The following CERS4 variants were observed in gnomAD, a reference collection of about 807,000 sequenced individuals.
CERS4 encodes the protein LAG1 homolog, ceramide synthase 4.
CERS4 carries 65 observed loss-of-function variants against 51.8 expected under a neutral mutation model. The observed-to-expected ratio is 1.26, with a 90% CI of 1.03 to 1.54. CERS4 has a LOEUF of 1.54. Among genes scored for constraint, CERS4 ranks in the 40% most tolerant of loss-of-function variants. The pLI, the probability that CERS4 is intolerant of heterozygous loss-of-function variation, is 0.00. For missense variants in CERS4, 563 were observed against 500.4 expected (o/e 1.13, Z -1.19); for synonymous variants, 228 against 208.4 (o/e 1.09, Z -0.81).
At chr19:8,212,423 G>T (rs1470854769) in intron 2 of CERS4, among the ~76,000 whole-genome samples, 1 of 152,088 alleles carries the variant, frequency 6.6e-6, no homozygotes, top group East Asian at 1.9e-4. Context: ...TCAGCATCTG[G>T]AAATTGCCAT....
Position 8,255,974 on chromosome 19 carries a change from G to A in CERS4, c.468+95G>A, listed in dbSNP as rs1376150794. 10 of 1,349,188 alleles carry A rather than the reference G, an allele frequency of 7.4e-6. No homozygotes were observed. The Admixed American group carries it at 1.2e-4, about 16-fold the overall frequency. The allele number at this position is 1,349,188 out of a possible 1,614,324, so 83.6% of individuals were successfully genotyped here. The stretch of plus-strand genomic sequence containing the variant: ...GGGTGTGGAGTGGTGCAGCCAGAGA[G>A]GAAAACATGCAGCTGAGGAGAGAGC... On this transcript the variant is annotated intron_variant, in intron 6 of 11. Transcript: ENST00000251363.
At chr19:8,221,547 TC>T (rs1248413240) in intron 2 of CERS4, among the ~76,000 whole-genome samples, 1 of 150,422 alleles carries the variant, frequency 6.6e-6, no homozygotes, top group African/African-American at 2.4e-5. Context: ...CTTTTTTTTT[TC>T]TTATTTTTTT....
intron 2 of CERS4, among the ~76,000 whole-genome samples, chr19:8,246,743 T>C (rs4591268): frequency 0.96 from 145,498 of 152,026 alleles, 69,768 homozygotes; most frequent in Middle Eastern, 0.99. Flanking sequence ...GAGGGATGGA[T>C]GGGCAGAGGC....
intron 8 of CERS4, 21 bp from the exon 9 acceptor site, chr19:8,256,928 A>G: frequency 1.9e-6 from 3 of 1,614,014 alleles, no homozygotes; most frequent in Non-Finnish European, 2.5e-6. Flanking sequence ...CGTCCCCACT[A>G]TGACCCACCG....
rs551342957 is a variant in CERS4 at position 8,210,466 on chromosome 19, G to A, written c.-158-240G>A. Among the ~76,000 whole-genome samples, 59 of 152,222 alleles carry A rather than the reference G, an allele frequency of 3.9e-4. No homozygotes were observed. Among genetic ancestry groups the A allele is most frequent in the Admixed American group, 3.9e-3 (59 of 15,274 alleles). On this transcript the variant is annotated intron_variant, in intron 1 of 11. Coordinates refer to ENST00000251363, the MANE Select transcript of CERS4 (RefSeq NM_024552.3). The surrounding 1 kb of genome is among the most constrained non-coding windows in gnomAD (Gnocchi z 4.2). ...GAGACTTGAGGAGAAGCTGCTCTGGGGGACACAGGAAGGTGGGCAGGGGGA... is the reference window on the plus strand; with the variant it reads ...GAGACTTGAGGAGAAGCTGCTCTGGAGGACACAGGAAGGTGGGCAGGGGGA...
Position 8,257,017 on chromosome 19 carries a change from C to A in CERS4, c.681C>A (p.Asn227Lys). 1 of 1,613,768 alleles carries A rather than the reference C, an allele frequency of 6.2e-7. No homozygotes were observed. The change falls in exon 9 of 12, where the codon AAC becomes AAA. Residue 227 changes from asparagine (N) to lysine (K), a missense_variant. Transcript: ENST00000251363. ...VILMTFSYSA[N>K]LLRIGSLVLL... The stretch of plus-strand genomic sequence containing the variant: ...TGATGACCTTCTCCTACAGTGCCAA[C>A]CTGCTGCGCATTGGCTCTCTGGTGC...
chr19:8,213,842 T>A (rs1486126652), intron 2 of CERS4, among the ~76,000 whole-genome samples: 1 of 152,150 alleles, frequency 6.6e-6, no homozygotes, highest in Non-Finnish European at 1.5e-5. Context: ...GGCATGCTCC[T>A]GTAATCCCAG....
chr19:8,258,852 G>A (rs1969530470), intron 10 of CERS4, among the ~76,000 whole-genome samples: 1 of 146,012 alleles, frequency 6.8e-6, no homozygotes, highest in African/African-American at 2.6e-5. Flanking sequence ...AAATCAAATT[G>A]GCCAGGTGTG....
rs548777574 is a variant in CERS4 at position 8,219,874 on chromosome 19, T to G, written c.-2+9012T>G. ...CATGGGTGCCTGTAGTCTCAGCTATTCAGGAGGCTGAGGCAGGGGGATCAT... is the reference window on the plus strand; with the variant it reads ...CATGGGTGCCTGTAGTCTCAGCTATGCAGGAGGCTGAGGCAGGGGGATCAT... On this transcript the variant is annotated intron_variant, in intron 2 of 11. Transcript: ENST00000251363. Among the ~76,000 whole-genome samples, 11 of 151,954 alleles carry G rather than the reference T, an allele frequency of 7.2e-5. No individual in the cohort carries two copies. In the East Asian group the frequency reaches 2.1e-3, roughly 29 times the overall value.
chr19:8,231,529 T>C (rs1968001424), intron 2 of CERS4, among the ~76,000 whole-genome samples: 1 of 152,018 alleles, frequency 6.6e-6, no homozygotes, highest in Non-Finnish European at 1.5e-5. Flanking sequence ...AATATGGGGC[T>C]TTCCATCTCT....
intron 2 of CERS4, among the ~76,000 whole-genome samples, chr19:8,218,828 A>G (rs1967411813): frequency 6.6e-6 from 1 of 152,054 alleles, no homozygotes; most frequent in Non-Finnish European, 1.5e-5. Context: ...GTGCCAACCC[A>G]TCCAACCCAG....
chr19:8,248,630 AGATGTTTG>A (rs1968897642), intron 2 of CERS4, among the ~76,000 whole-genome samples: 1 of 149,326 alleles, frequency 6.7e-6, no homozygotes, highest in South Asian at 2.1e-4. Flanking sequence ...GCAGGTGGAC[AGATGTTTG>A]GATGAGTGGA....
At chr19:8,256,331 G>C in intron 7 of CERS4, 45 bp downstream of exon 7, 2 of 1,603,050 alleles carry the variant, frequency 1.2e-6, no homozygotes, top group South Asian at 1.1e-5. Context: ...TGAGGGCGAT[G>C]ATCACAGTTG....
intron 2 of CERS4, among the ~76,000 whole-genome samples, chr19:8,235,721 C>G (rs773978765): frequency 5.3e-5 from 8 of 151,012 alleles, no homozygotes; most frequent in Non-Finnish European, 4.4e-5. Context: ...GACCCTCCCC[C>G]CAATCTCTAT....
chr19:8,245,122 A>AAAAACAAAAAAAAACAAAAAACAAC (rs1555777239), intron 2 of CERS4, among the ~76,000 whole-genome samples: 4 of 129,258 alleles, frequency 3.1e-5, no homozygotes, highest in Non-Finnish European at 4.7e-5. Context: ...AAAAAAAAAA[A>AAAAACAAAAAAAAACAAAAAACAAC]AAAAAAAAAA....
chr19:8,254,782 T>C (rs1327948930), intron 4 of CERS4, among the ~76,000 whole-genome samples, 166 bp downstream of exon 4: 1 of 151,932 alleles, frequency 6.6e-6, no homozygotes, highest in Admixed American at 6.6e-5. Flanking sequence ...GAAAGGGCTC[T>C]ACCCCCCAGC....
At chr19:8,240,134 G>A (rs1460710523) in intron 2 of CERS4, among the ~76,000 whole-genome samples, 18 of 152,080 alleles carry the variant, frequency 1.2e-4, no homozygotes, top group Non-Finnish European at 1.5e-5. Context: ...ACTGTCTGGG[G>A]TGCAAACATG....
chr19:8,248,896 G>T (rs182867807), intron 2 of CERS4, among the ~76,000 whole-genome samples: 2 of 139,886 alleles, frequency 1.4e-5, no homozygotes, highest in Non-Finnish European at 3.2e-5. Context: ...TGTTTGGATG[G>T]GTGGACATAT....
intron 2 of CERS4, among the ~76,000 whole-genome samples, chr19:8,225,356 C>CAGAG: frequency 6.7e-6 from 1 of 150,232 alleles, no homozygotes; most frequent in African/African-American, 2.4e-5. Context: ...AGGGTGGGGA[C>CAGAG]AGAGAGGTGG....
Sources: gnomAD v4.1 joint callset for allele counts (sites outside exome capture counted in the v4.1 genomes callset) on GRCh38, gnomAD v4.1.1 for gene constraint, Gnocchi (gnomAD v3.1) non-coding constraint, MANE v1.5 for transcripts, NCBI Gene and HGNC (gene_info 2026-07-23, HGNC 2026-07-21) for gene names.